LRRC7: variants seen among roughly 807,000 people sequenced by gnomAD.
The protein encoded by LRRC7 is leucine rich repeat containing 7, also known as leucine-rich repeat-containing protein 7.
In LRRC7, 23 loss-of-function variants were observed where a neutral mutation model predicts 175.7. The ratio of observed to expected loss-of-function variants is 0.13; its 90% CI spans 0.09 to 0.19. LRRC7 has a LOEUF of 0.19. Among genes scored for constraint, LRRC7 ranks in the 10% least tolerant of loss-of-function variants. LRRC7 has a pLI of 1.00. For missense variants in LRRC7, 1,354 were observed against 1,904.7 expected, an observed-to-expected ratio of 0.71 and a Z score of 5.38; for synonymous variants, 685 against 680.9, an observed-to-expected ratio of 1.01 and a Z score of -0.09.
chr1:69,825,941 T>C (rs759712254), intron 5 of LRRC7, 115 bp downstream of exon 5: 1 of 540,950 alleles, frequency 1.8e-6, no homozygotes, highest in Non-Finnish European at 3.0e-6. Flanking sequence ...TGACATAGCA[T>C]TTAATAGAAT....
At chr1:69,597,083 T>C (rs906443024) in intron 1 of LRRC7, among the ~76,000 whole-genome samples, 17 of 152,212 alleles carry the variant, frequency 1.1e-4, no homozygotes, top group African/African-American at 4.1e-4. Context: ...TCTAATATTT[T>C]CCCCTCTTAT....
chr1:69,894,835 T>C (rs967901837), intron 7 of LRRC7, among the ~76,000 whole-genome samples: 1 of 152,160 alleles, frequency 6.6e-6, no homozygotes, highest in African/African-American at 2.4e-5. Flanking sequence ...TACCAGAAGA[T>C]GTCAGGGGTA....
chr1:69,755,203 A>G (rs1302882886), intron 2 of LRRC7, among the ~76,000 whole-genome samples: 2 of 151,932 alleles, frequency 1.3e-5, no homozygotes, highest in African/African-American at 4.8e-5. Flanking sequence ...TCCTTTAAAC[A>G]TTGAAATTAA....
At chr1:69,919,488 C>A in intron 7 of LRRC7, 4 of 936,226 alleles carry the variant, frequency 4.3e-6, no homozygotes, top group Non-Finnish European at 5.1e-6. Context: ...GCAGCAGTGG[C>A]GGCAAAATCT....
chr1:70,009,051 T>C (rs926920348), intron 11 of LRRC7, among the ~76,000 whole-genome samples: 1 of 152,190 alleles, frequency 6.6e-6, no homozygotes, highest in African/African-American at 2.4e-5. Flanking sequence ...ATTGGAATTG[T>C]GCAAGGTGAC....
rs572047929 is a variant in LRRC7, at chr1:69,773,880, A to G, written c.303+13487A>G. On this transcript the variant is annotated intron_variant, in intron 3 of 26. Coordinates refer to ENST00000651989, the MANE Select transcript of LRRC7 (RefSeq NM_001370785.2). ...ATACAACTAGAAAATAGAGCTGGGC[A>G]TGGTGGATTGCACTTGTTATCCCTG... Among the ~76,000 whole-genome samples the G allele has an allele frequency of 3.9e-5, 6 of 152,306 alleles. No homozygotes were observed. The South Asian group carries it at 1.0e-3, about 26-fold the overall frequency.
chr1:70,112,177 C>A (rs1665569359), intron 26 of LRRC7, among the ~76,000 whole-genome samples: 1 of 152,158 alleles, frequency 6.6e-6, no homozygotes, highest in African/African-American at 2.4e-5. Flanking sequence ...AAACTACTGT[C>A]AACAATAAGT....
chr1:69,774,427 T>C (rs778149396), intron 3 of LRRC7, among the ~76,000 whole-genome samples: 6 of 152,172 alleles, frequency 3.9e-5, no homozygotes, highest in Non-Finnish European at 5.9e-5. Flanking sequence ...ATGAGTAGCA[T>C]ATACATAGGA....
chr1:69,982,860 T>C (rs1313218697), intron 9 of LRRC7, among the ~76,000 whole-genome samples: 1 of 152,200 alleles, frequency 6.6e-6, no homozygotes, highest in Non-Finnish European at 1.5e-5. Context: ...ACTGTAAGAA[T>C]TTATGCCTTT....
At chr1:70,016,853 A>G (rs1294519418) in intron 14 of LRRC7, among the ~76,000 whole-genome samples, 1 of 152,150 alleles carries the variant, frequency 6.6e-6, no homozygotes, top group Non-Finnish European at 1.5e-5. Flanking sequence ...TACTTTAATT[A>G]TATCTCTGAA....
intron 7 of LRRC7, among the ~76,000 whole-genome samples, chr1:69,861,276 C>G (rs1684329909): frequency 6.6e-6 from 1 of 152,044 alleles, no homozygotes; most frequent in South Asian, 2.1e-4. Context: ...TAATAATGTT[C>G]ATATTTTTCT....
At chr1:69,709,463 A>C (rs1218070092) in intron 2 of LRRC7, among the ~76,000 whole-genome samples, 1 of 152,178 alleles carries the variant, frequency 6.6e-6, no homozygotes, top group Non-Finnish European at 1.5e-5. Context: ...TAGGGGAGAA[A>C]AATTGGTGTG....
intron 11 of LRRC7, among the ~76,000 whole-genome samples, chr1:70,004,491 T>TTA (rs922198590): frequency 5.3e-5 from 8 of 152,296 alleles, no homozygotes; most frequent in African/African-American, 1.9e-4. Flanking sequence ...ACTAATTCCT[T>TTA]TGTGTGTGTT....
chr1:69,736,204 G>T (rs1380823686), intron 2 of LRRC7, among the ~76,000 whole-genome samples: 1 of 151,956 alleles, frequency 6.6e-6, no homozygotes, highest in African/African-American at 2.4e-5. Flanking sequence ...AAAGTATTCT[G>T]TAATGTACTT....
chr1:69,800,306 G>T (rs979234389), intron 4 of LRRC7, among the ~76,000 whole-genome samples: 2 of 151,938 alleles, frequency 1.3e-5, no homozygotes, highest in Admixed American at 6.6e-5. Context: ...CATGTGGATT[G>T]CATTGAGTCT....
chr1:69,743,781 AAAC>A (rs1299393158), intron 2 of LRRC7, among the ~76,000 whole-genome samples: 1 of 151,942 alleles, frequency 6.6e-6, no homozygotes, highest in African/African-American at 2.4e-5. Context: ...AGTACAGTGA[AAAC>A]AACAGTGGCT....
intron 8 of LRRC7, among the ~76,000 whole-genome samples, chr1:69,961,258 A>G (rs1329006685): frequency 6.6e-6 from 1 of 152,222 alleles, no homozygotes; most frequent in Non-Finnish European, 1.5e-5. Flanking sequence ...TAAAATACCT[A>G]GGAATACAGC....
At chr1:69,812,341 C>G (rs1440788317) in intron 4 of LRRC7, among the ~76,000 whole-genome samples, 1 of 151,796 alleles carries the variant, frequency 6.6e-6, no homozygotes, top group Non-Finnish European at 1.5e-5. Context: ...AGTTTCAAAC[C>G]CTGGGTAACC....
chr1:69,611,154 A>G (rs1569918206), intron 1 of LRRC7, among the ~76,000 whole-genome samples: 2 of 152,092 alleles, frequency 1.3e-5, no homozygotes, highest in African/African-American at 4.8e-5. Context: ...TTTAACTATA[A>G]TTTATCAAAA....
Sources: gnomAD v4.1 joint callset for allele counts (sites outside exome capture counted in the v4.1 genomes callset) on GRCh38, gnomAD v4.1.1 for gene constraint, MANE v1.5 for transcripts, NCBI Gene and HGNC (gene_info 2026-07-23, HGNC 2026-07-21) for gene names.